Variants in NHSL2 observed in about 807,000 individuals in gnomAD.
NHSL2 encodes NHS-like protein 2.
Under a neutral mutation model 53.4 loss-of-function variants are expected in NHSL2, and 27 were observed. The ratio of observed to expected loss-of-function variants is 0.51; its 90% CI spans 0.37 to 0.70. The LOEUF is 0.70. NHSL2 is among the 30% of genes least tolerant of loss of function. The pLI, the probability that NHSL2 is intolerant of heterozygous loss-of-function variation, is 0.00. For synonymous variants in NHSL2, 408 were observed against 404.1 expected, an observed-to-expected ratio of 1.01 and a Z score of -0.12; for missense variants, 892 against 980.1, an observed-to-expected ratio of 0.91 and a Z score of 1.20.
chrX:72,055,499 C>T (rs1448102719), intron 1 of NHSL2, among the ~76,000 whole-genome samples: 1 of 112,092 alleles, frequency 8.9e-6, no homozygotes, highest in Non-Finnish European at 1.9e-5. Context: ...GAGCATTTAG[C>T]TTAATTTTTG....
intron 1 of NHSL2, among the ~76,000 whole-genome samples, chrX:72,034,980 A>G (rs756720372): frequency 4.5e-5 from 5 of 111,516 alleles, no homozygotes; most frequent in African/African-American, 1.6e-4. Context: ...TCTTATTATT[A>G]TACATTCTTA....
At chrX:71,980,998 T>C (rs997059388) in intron 1 of NHSL2, among the ~76,000 whole-genome samples, 4 of 111,792 alleles carry the variant, frequency 3.6e-5, no homozygotes, top group Non-Finnish European at 7.5e-5. Context: ...CTCCTAACCT[T>C]ATATCATGTA....
At chrX:72,068,691 A>C (rs865909627) in intron 1 of NHSL2, among the ~76,000 whole-genome samples, 1 of 54,882 alleles carries the variant, frequency 1.8e-5, no homozygotes, top group African/African-American at 5.2e-5. Flanking sequence ...AGAGAGAGAG[A>C]GAGAGAGAGC....
chrX:72,044,446 G>A, intron 1 of NHSL2: 1 of 447,389 alleles, frequency 2.2e-6, no homozygotes, highest in Non-Finnish European at 3.9e-6. Flanking sequence ...TTGTCAGGTG[G>A]CCCCCATTCC....
At chrX:72,137,248 C>T (rs1255220337) in intron 5 of NHSL2, 23 bp downstream of exon 5, 1 of 1,149,721 alleles carries the variant, frequency 8.7e-7, no homozygotes, top group South Asian at 1.9e-5. Flanking sequence ...CAGCTGATTC[C>T]CCAGTCCCTT....
rs1176325799 is a variant in NHSL2, at chrX:72,150,503, C to G, written c.*6929C>G. The G allele has an allele frequency of 8.9e-6, 1 of 112,173 alleles. No homozygotes were observed. The highest frequency in any genetic ancestry group is 3.2e-5 in the African/African-American group (1 of 30,844). 9.2% of individuals were successfully genotyped at this position (112,173 alleles called of 1,213,427 possible). A position where few individuals can be genotyped will look rare whatever the true frequency, so the allele number is the denominator to read the frequency against. On this transcript the variant is annotated 3_prime_UTR_variant, in exon 8 of 8. Coordinates refer to ENST00000633930, the MANE Select transcript of NHSL2 (RefSeq NM_001013627.3). ...TGCTCATGAGATATTTAGTTGTGTTCTAGAAATTTCACCTGGCTTGATATT... is the reference window on the plus strand; with the variant it reads ...TGCTCATGAGATATTTAGTTGTGTTGTAGAAATTTCACCTGGCTTGATATT...
chrX:71,969,209 T>C (rs1339316310), intron 1 of NHSL2, among the ~76,000 whole-genome samples: 1 of 111,753 alleles, frequency 8.9e-6, no homozygotes, highest in Admixed American at 9.5e-5. Flanking sequence ...TTCAACCATG[T>C]TTTCTAGTTT....
intron 1 of NHSL2, among the ~76,000 whole-genome samples, chrX:71,984,229 G>A (rs1421731774): frequency 1.8e-5 from 2 of 111,305 alleles, no homozygotes; most frequent in Non-Finnish European, 3.8e-5. Context: ...GTATGTCATG[G>A]GCCATTCACA....
Position 72,130,009 on chromosome X carries a change from C to T in NHSL2, c.281-2070C>T, listed in dbSNP as rs202061770. On this transcript the variant is annotated intron_variant, in intron 1 of 7. Coordinates refer to ENST00000633930, the MANE Select transcript of NHSL2 (RefSeq NM_001013627.3). ...TGGAAGGCCTTCCAGAAGTGGGACTCGATTCTGGTTCCTCCGTCTGCTAGG... is the reference window on the plus strand; with the variant it reads ...TGGAAGGCCTTCCAGAAGTGGGACTTGATTCTGGTTCCTCCGTCTGCTAGG... 13 of 1,209,244 alleles carry T rather than the reference C, an allele frequency of 1.1e-5. No homozygotes were observed. The highest frequency in any genetic ancestry group is 2.3e-4 in the Middle Eastern group (1 of 4,349).
intron 1 of NHSL2, among the ~76,000 whole-genome samples, chrX:71,979,827 G>A (rs934334856): frequency 3.6e-5 from 4 of 110,826 alleles, no homozygotes; most frequent in Admixed American, 9.5e-5. Context: ...TAGACATGAA[G>A]TCCTTGCCCA....
chrX:71,930,530 C>T (rs2041707575), intron 1 of NHSL2, among the ~76,000 whole-genome samples: 1 of 112,321 alleles, frequency 8.9e-6, no homozygotes, highest in Non-Finnish European at 1.9e-5. Context: ...ATTCCATTCC[C>T]CTTACTGGTC....
At chrX:71,917,048 T>C (rs2041631771) in intron 1 of NHSL2, among the ~76,000 whole-genome samples, 1 of 112,001 alleles carries the variant, frequency 8.9e-6, no homozygotes, top group African/African-American at 3.3e-5. Flanking sequence ...TCATTGAAGT[T>C]TTCAAGTTAG....
At chrX:72,040,839 A>G (rs772021757) in intron 1 of NHSL2, among the ~76,000 whole-genome samples, 1 of 112,607 alleles carries the variant, frequency 8.9e-6, no homozygotes, top group East Asian at 2.8e-4. Flanking sequence ...TCACTTACTC[A>G]ACAAGCATTC....
At chrX:71,981,920 A>G (rs2041981222) in intron 1 of NHSL2, among the ~76,000 whole-genome samples, 1 of 112,317 alleles carries the variant, frequency 8.9e-6, no homozygotes, top group African/African-American at 3.2e-5. Context: ...GCAGTTACAC[A>G]AAAGGTTAAA....
chrX:72,105,931 C>T (rs1316403142), intron 1 of NHSL2, among the ~76,000 whole-genome samples: 3 of 112,268 alleles, frequency 2.7e-5, no homozygotes, highest in East Asian at 2.8e-4. Flanking sequence ...TCCATGAGGC[C>T]GGGCGCGGTG....
At chrX:71,995,694 C>G (rs1485513945) in intron 1 of NHSL2, among the ~76,000 whole-genome samples, 1 of 112,515 alleles carries the variant, frequency 8.9e-6, no homozygotes, top group African/African-American at 3.2e-5. Flanking sequence ...CCCAGCCCTG[C>G]TGGTCCCCTG....
intron 1 of NHSL2, among the ~76,000 whole-genome samples, chrX:72,070,267 G>A (rs1287596331): frequency 9.3e-6 from 1 of 107,705 alleles, no homozygotes; most frequent in East Asian, 2.9e-4. Flanking sequence ...GTTTCTTGCT[G>A]TGTAATGCCC....
chrX:71,993,030 G>A (rs1034126346), intron 1 of NHSL2, among the ~76,000 whole-genome samples: 1 of 112,491 alleles, frequency 8.9e-6, no homozygotes, highest in Non-Finnish European at 1.9e-5. Flanking sequence ...CAAAGCCAGA[G>A]AGCCCCAGTG....
intron 1 of NHSL2, chrX:72,079,644 A>AGT: frequency 8.8e-6 from 1 of 113,895 alleles, no homozygotes; most frequent in Non-Finnish European, 1.9e-5. Flanking sequence ...CAAGAGAGAA[A>AGT]GTGTGTGTGT....
Sources: gnomAD v4.1 joint callset for allele counts (sites outside exome capture counted in the v4.1 genomes callset) on GRCh38, gnomAD v4.1.1 for gene constraint, MANE v1.5 for transcripts, NCBI Gene and HGNC (gene_info 2026-07-23, HGNC 2026-07-21) for gene names.